The following CAMKMT variants were observed in gnomAD, a reference collection of about 807,000 sequenced individuals.
CAMKMT encodes calmodulin-lysine N-methyltransferase, also known as CaM KMT.
CAMKMT carries 53 observed loss-of-function variants against 48.0 expected under a neutral mutation model. The observed-to-expected ratio is 1.10, with a 90% CI of 0.89 to 1.39. CAMKMT has a LOEUF of 1.39. CAMKMT is among the 40% of genes most tolerant of loss of function. The pLI, the probability that CAMKMT is intolerant of heterozygous loss-of-function variation, is 0.00. For missense variants in CAMKMT, 428 were observed against 402.7 expected (o/e 1.06, Z -0.54); for synonymous variants, 165 against 152.3 (o/e 1.08, Z -0.61).
chr2:44,454,098 T>C (rs1193371857), intron 3 of CAMKMT, among the ~76,000 whole-genome samples: 1 of 152,114 alleles, frequency 6.6e-6, no homozygotes, highest in Non-Finnish European at 1.5e-5. Flanking sequence ...TCTTAAAAAA[T>C]AAGTTGGAGA....
At chr2:44,426,672 G>C (rs1490350726) in intron 3 of CAMKMT, among the ~76,000 whole-genome samples, 1 of 152,166 alleles carries the variant, frequency 6.6e-6, no homozygotes, top group Non-Finnish European at 1.5e-5. Flanking sequence ...AGAAATTATA[G>C]ATGACACAAA....
intron 7 of CAMKMT, among the ~76,000 whole-genome samples, chr2:44,734,091 CT>C (rs938133763): frequency 8.4e-4 from 122 of 144,634 alleles, no homozygotes; most frequent in East Asian, 1.8e-3. Context: ...TTTATTACTT[CT>C]TTTTTTTTTT....
At chr2:44,516,152 T>C (rs1670822383) in intron 3 of CAMKMT, among the ~76,000 whole-genome samples, 1 of 152,208 alleles carries the variant, frequency 6.6e-6, no homozygotes, top group East Asian at 1.9e-4. Flanking sequence ...AATGTTCCAG[T>C]AATCCTGTTC....
At chr2:44,401,789 C>G (rs939483458) in intron 3 of CAMKMT, among the ~76,000 whole-genome samples, 1 of 152,110 alleles carries the variant, frequency 6.6e-6, no homozygotes, top group Non-Finnish European at 1.5e-5. Flanking sequence ...CTTTCGGAGT[C>G]TTTTCTGAAG....
At chr2:44,680,146 C>T (rs949057856) in intron 3 of CAMKMT, among the ~76,000 whole-genome samples, 6 of 152,066 alleles carry the variant, frequency 3.9e-5, no homozygotes, top group African/African-American at 9.7e-5. Flanking sequence ...TATCAAGTGA[C>T]GGACTTCAAA....
chr2:44,427,371 A>AC (rs1429853014), intron 3 of CAMKMT, among the ~76,000 whole-genome samples: 6 of 152,184 alleles, frequency 3.9e-5, no homozygotes, highest in Non-Finnish European at 7.4e-5. Flanking sequence ...AACAGACAAC[A>AC]TACAGAATGG....
intron 3 of CAMKMT, among the ~76,000 whole-genome samples, chr2:44,400,308 A>G (rs2104443793): frequency 6.6e-6 from 1 of 152,336 alleles, no homozygotes; most frequent in South Asian, 2.1e-4. Flanking sequence ...TTTAAAAATC[A>G]GAAATATTCA....
chr2:44,468,725 C>A (rs532270337), intron 3 of CAMKMT, among the ~76,000 whole-genome samples: 6 of 152,050 alleles, frequency 3.9e-5, no homozygotes, highest in Admixed American at 2.0e-4. Flanking sequence ...TTGAGACCAG[C>A]CTGAGCAACA....
intron 7 of CAMKMT, among the ~76,000 whole-genome samples, chr2:44,738,580 A>G (rs765596990): frequency 1.3e-5 from 2 of 152,218 alleles, no homozygotes; most frequent in South Asian, 4.1e-4. Flanking sequence ...TGGCATATTT[A>G]TTGAACAGCT....
intron 3 of CAMKMT, among the ~76,000 whole-genome samples, chr2:44,409,109 A>T (rs1265553545): frequency 4.1e-4 from 2 of 4,828 alleles, no homozygotes; most frequent in African/African-American, 9.1e-4. Context: ...ATATATATAT[A>T]TATATATATA....
intron 8 of CAMKMT, among the ~76,000 whole-genome samples, chr2:44,746,261 C>A (rs1016340764): frequency 3.3e-5 from 5 of 152,178 alleles, no homozygotes; most frequent in Non-Finnish European, 7.3e-5. Context: ...GAATAGCTAA[C>A]CAGTGGTACT....
intron 2 of CAMKMT, among the ~76,000 whole-genome samples, chr2:44,373,205 G>A (rs569690834): frequency 6.6e-6 from 1 of 152,260 alleles, no homozygotes; most frequent in South Asian, 2.1e-4. Flanking sequence ...GGCAAAGAAG[G>A]GGCTGAAAGT....
At chr2:44,647,714 G>A (rs1308039510) in intron 3 of CAMKMT, among the ~76,000 whole-genome samples, 2 of 151,770 alleles carry the variant, frequency 1.3e-5, no homozygotes, top group African/African-American at 4.8e-5. Context: ...GACCATCCTG[G>A]CTAACACGGT....
At chr2:44,425,582 T>A (rs1215287078) in intron 3 of CAMKMT, among the ~76,000 whole-genome samples, 1 of 152,190 alleles carries the variant, frequency 6.6e-6, no homozygotes, top group Admixed American at 6.5e-5. Context: ...CTTCAATTAT[T>A]TTTTTCTTTT....
Position 44,362,053 on chromosome 2 carries a change from G to C in CAMKMT, c.46G>C (p.Ala16Pro). ...ADAGTGETARAAGGSPAVGCT... is the reference protein window; with the variant it reads ...ADAGTGETARPAGGSPAVGCT... The stretch of plus-strand genomic sequence containing the variant: ...CGCTGGGACCGGCGAGACCGCGCGA[G>C]CAGCGGGCGGGAGTCCGGCAGTTGG... The change falls in exon 1 of 11, where the codon GCA becomes CCA. Residue 16 changes from alanine to proline, a missense_variant. Transcript: ENST00000378494. The C allele has an allele frequency of 7.0e-7, 1 of 1,435,484 alleles. No homozygotes were observed. Among genetic ancestry groups the C allele is most frequent in the South Asian group, 1.4e-5 (1 of 69,694 alleles). The allele number at this position is 1,435,484 out of a possible 1,614,324, so 88.9% of individuals were successfully genotyped here.
intron 3 of CAMKMT, among the ~76,000 whole-genome samples, chr2:44,433,237 A>G (rs1006042833): frequency 6.6e-6 from 1 of 152,200 alleles, no homozygotes; most frequent in Non-Finnish European, 1.5e-5. Flanking sequence ...TGTATTTTAT[A>G]TATGAATGTC....
Position 44,556,619 on chromosome 2 carries a change from G to A in CAMKMT, c.377-147664G>A, listed in dbSNP as rs1668027372. On this transcript the variant is annotated intron_variant, in intron 3 of 10. Coordinates refer to ENST00000378494, the MANE Select transcript of CAMKMT (RefSeq NM_024766.5). Reference sequence around the variant, plus strand: ...CGAGTAGCTGGGACTACAGGCGCCCGCCACCGCGCCCGGCTAATTTTTTGT... The same window carrying A: ...CGAGTAGCTGGGACTACAGGCGCCCACCACCGCGCCCGGCTAATTTTTTGT... Among the ~76,000 whole-genome samples, 2 of 66,280 alleles carry A rather than the reference G, an allele frequency of 3.0e-5. 1 individual carries two copies. The highest frequency in any genetic ancestry group is 1.2e-4 in the African/African-American group (2 of 16,746). The allele number at this position is 66,280 out of a possible 152,430, so 43.5% of individuals were successfully genotyped here.
chr2:44,416,680 T>TCTCCCTGCCTCAGC (rs1347164464), intron 3 of CAMKMT, among the ~76,000 whole-genome samples: 3 of 151,088 alleles, frequency 2.0e-5, no homozygotes, highest in Non-Finnish European at 3.0e-5. Flanking sequence ...TTCAAGTGAT[T>TCTCCCTGCCTCAGC]CTCCCTGCCT....
intron 2 of CAMKMT, among the ~76,000 whole-genome samples, chr2:44,385,927 G>A (rs1680740459): frequency 6.6e-6 from 1 of 152,036 alleles, no homozygotes; most frequent in South Asian, 2.1e-4. Context: ...ATATCAGTCT[G>A]TAGTTTTCTT....
Sources: gnomAD v4.1 joint callset for allele counts (sites outside exome capture counted in the v4.1 genomes callset) on GRCh38, gnomAD v4.1.1 for gene constraint, MANE v1.5 for transcripts, NCBI Gene and HGNC (gene_info 2026-07-23, HGNC 2026-07-21) for gene names.